The following NLRP9 variants were observed in gnomAD, a reference collection of about 807,000 sequenced individuals.
NLRP9 encodes NACHT, LRR and PYD domains-containing protein 9.
A neutral mutation model predicts 83.1 loss-of-function variants in NLRP9; 88 were observed. The observed-to-expected ratio is 1.06, with a 90% CI of 0.89 to 1.26. The LOEUF is 1.26. Among genes scored for constraint, NLRP9 ranks in the 50% most tolerant of loss-of-function variants. The pLI is 0.00. For missense variants in NLRP9, 1,308 were observed against 1,179.3 expected (o/e 1.11, Z -1.60); for synonymous variants, 521 against 447.6 (o/e 1.16, Z -2.07).
At chr19:55,726,921 T>C (rs1450006982) in intron 3 of NLRP9, among the ~76,000 whole-genome samples, 1 of 152,022 alleles carries the variant, frequency 6.6e-6, no homozygotes, top group Non-Finnish European at 1.5e-5. Flanking sequence ...GACCAAACTG[T>C]CTCTATCATT....
chr19:55,710,641 C>T (rs1987673239), intron 8 of NLRP9, among the ~76,000 whole-genome samples: 1 of 152,134 alleles, frequency 6.6e-6, no homozygotes, highest in South Asian at 2.1e-4. Context: ...TGCTTCCTTT[C>T]CTCCTGCTCC....
chr19:55,714,060 G>A (rs1987914208), intron 6 of NLRP9, among the ~76,000 whole-genome samples: 1 of 150,618 alleles, frequency 6.6e-6, no homozygotes, highest in African/African-American at 2.4e-5. Flanking sequence ...ATGCATGTGT[G>A]TGTATCTGAC....
chr19:55,733,918 A>ATTTTTTTTTTTTTTTTTTT (rs1423854158), intron 1 of NLRP9, among the ~76,000 whole-genome samples: 1 of 118,058 alleles, frequency 8.5e-6, no homozygotes, highest in African/African-American at 3.7e-5. Context: ...TTGTCAACCA[A>ATTTTTTTTTTTTTTTTTTT]ATTTTTTTTT....
intron 8 of NLRP9, among the ~76,000 whole-genome samples, chr19:55,711,102 AC>A (rs1330721556): frequency 6.5e-5 from 8 of 123,454 alleles, no homozygotes; most frequent in African/African-American, 2.7e-4. Context: ...ACAAAACAAA[AC>A]AAAACAAAAA....
rs142349179 is a variant in NLRP9, at chr19:55,722,113, C to G, written c.2159+1867G>C. ...AGGGACAAAATTCCCCCATTGAGAACTACTGAGCTAGAGAGAACCTGACTT... is the reference window on the plus strand; with the variant it reads ...AGGGACAAAATTCCCCCATTGAGAAGTACTGAGCTAGAGAGAACCTGACTT... On this transcript the variant is annotated intron_variant, in intron 4 of 8. Coordinates refer to ENST00000332836, the MANE Select transcript of NLRP9 (RefSeq NM_176820.4). 9.2e-4 allele frequency among the ~76,000 whole-genome samples: 140 copies of G among 152,140 alleles called. 1 individual carries two copies. The highest frequency in any genetic ancestry group is 3.3e-3 in the African/African-American group (138 of 41,460).
intron 3 of NLRP9, among the ~76,000 whole-genome samples, chr19:55,726,019 G>A (rs1237258484): frequency 6.6e-6 from 1 of 151,170 alleles, no homozygotes; most frequent in Non-Finnish European, 1.5e-5. Flanking sequence ...GAGCGAGACT[G>A]TCTCAGAAAA....
chr19:55,734,160 T>TG (rs1372203378), intron 1 of NLRP9, among the ~76,000 whole-genome samples: 1 of 151,676 alleles, frequency 6.6e-6, no homozygotes, highest in Non-Finnish European at 1.5e-5. Context: ...CCTGACCTCA[T>TG]GATCCACCCA....
In NLRP9 at chr19:55,732,769, T is replaced by C. The variant is rs757437813; in HGVS notation, c.1062A>G (p.Gly354=). ...CTCVKQRLER[G]EDLEINSQNT... is the part of the protein sequence containing the mutation. Reference sequence around the variant, plus strand: ...TTTGGGAGTTTATTTCAAGGTCTTCTCCCCTCTCTAGCCTCTGTTTCACAC... The same window carrying C: ...TTTGGGAGTTTATTTCAAGGTCTTCCCCCCTCTCTAGCCTCTGTTTCACAC... Residue 354 remains glycine, a synonymous_variant, in exon 2 of 9, where the codon GGA becomes GGG. Transcript: ENST00000332836. The C allele has an allele frequency of 1.9e-6, 3 of 1,614,094 alleles. No individual in the cohort carries two copies. Among genetic ancestry groups the C allele is most frequent in the Non-Finnish European group, 2.5e-6 (3 of 1,180,004 alleles).
At chr19:55,729,788 A>G (rs1405048085) in intron 3 of NLRP9, 43 bp downstream of exon 3, 8 of 1,543,098 alleles carry the variant, frequency 5.2e-6, no homozygotes, top group Non-Finnish European at 6.2e-6. Context: ...GAGAGAAGGA[A>G]ACTCTGCCAT....
chr19:55,713,705 A>T (rs1346267341), intron 6 of NLRP9, among the ~76,000 whole-genome samples: 2 of 24 alleles, frequency 0.083, 1 homozygote, highest in East Asian at 1. Context: ...CCCCCTCCCC[A>T]CCTCTTCCCC....
In NLRP9 at chr19:55,732,687, T is replaced by C; in HGVS notation, c.1144A>G (p.Ser382Gly). Residue 382 changes from serine to glycine, a missense_variant, in exon 2 of 9, where the codon AGT becomes GGT. Coordinates refer to ENST00000332836, the MANE Select transcript of NLRP9 (RefSeq NM_176820.4). ...LTTVFKAGSQSFPPKVNRARL... is the reference protein window; with the variant it reads ...LTTVFKAGSQGFPPKVNRARL... ...GCTCTGTTCACCTTAGGTGGAAAAC[T>C]CTGACTTCCTGCTTTGAATACAGTT... 1 of 1,614,202 alleles carries C rather than the reference T, an allele frequency of 6.2e-7. No homozygotes were observed. The highest frequency in any genetic ancestry group is 8.5e-7 in the Non-Finnish European group (1 of 1,180,050).
At chr19:55,723,140 TATA>T (rs370189702) in intron 4 of NLRP9, among the ~76,000 whole-genome samples, 5 of 151,516 alleles carry the variant, frequency 3.3e-5, no homozygotes, top group Non-Finnish European at 4.4e-5. Flanking sequence ...GAACTTAAAG[TATA>T]ATAATAATAA....
Position 55,731,377 on chromosome 19 carries a change from A to G in NLRP9, c.1832+622T>C, listed in dbSNP as rs535650249. Among the ~76,000 whole-genome samples the G allele has an allele frequency of 2.6e-5, 4 of 152,032 alleles. No individual in the cohort carries two copies. In the South Asian group the frequency reaches 8.3e-4, roughly 32 times the overall value. On this transcript the variant is annotated intron_variant, in intron 2 of 8. Coordinates refer to ENST00000332836, the MANE Select transcript of NLRP9 (RefSeq NM_176820.4). ...ATAAAAATGGTGAAAAAAAAAAAGA[A>G]GAAAAGGAAAGAAAGAGAGAAAAAA...
Position 55,733,380 on chromosome 19 carries a change from C to CCA in NLRP9, c.449_450dup (p.Glu151TrpfsTer13). Reference sequence around the variant, plus strand: ...GTTTTTCCAATTCCATCAGGACCTTCCAGGACCACAGTGTGTCGTCTAGCC... The same window carrying CCA: ...GTTTTTCCAATTCCATCAGGACCTTCCACAGGACCACAGTGTGTCGTCTAGCC... On this transcript the variant is annotated frameshift_variant, in exon 2 of 9. Coordinates refer to ENST00000332836, the MANE Select transcript of NLRP9 (RefSeq NM_176820.4). LOFTEE classifies it high-confidence loss of function. 1 of 1,614,184 alleles carries CCA rather than the reference C, an allele frequency of 6.2e-7. No individual in the cohort carries two copies. The highest frequency in any genetic ancestry group is 8.5e-7 in the Non-Finnish European group (1 of 1,180,034).
At chr19:55,714,184 TCTGA>T (rs372619965) in intron 6 of NLRP9, among the ~76,000 whole-genome samples, 236 of 152,118 alleles carry the variant, frequency 1.6e-3, no homozygotes, top group South Asian at 9.8e-3. Flanking sequence ...AGTCTCACGC[TCTGA>T]CTGTCATTTA....
intron 6 of NLRP9, among the ~76,000 whole-genome samples, chr19:55,713,259 G>A (rs1336372898): frequency 2.0e-5 from 3 of 151,524 alleles, no homozygotes; most frequent in Non-Finnish European, 4.4e-5. Flanking sequence ...CCCCAAGCTG[G>A]TGATTCCTTA....
intron 4 of NLRP9, among the ~76,000 whole-genome samples, chr19:55,723,210 G>T (rs1988285415): frequency 6.6e-6 from 1 of 152,068 alleles, no homozygotes; most frequent in African/African-American, 2.4e-5. Context: ...TTAGGACAGG[G>T]GCTGCTCTGA....
intron 5 of NLRP9, among the ~76,000 whole-genome samples, chr19:55,716,299 C>T (rs1267826063): frequency 7.1e-6 from 1 of 140,652 alleles, no homozygotes; most frequent in South Asian, 2.2e-4. Flanking sequence ...TGCTCTGTCT[C>T]CCAGGCTGGA....
intron 3 of NLRP9, among the ~76,000 whole-genome samples, chr19:55,725,112 C>T (rs1280972010): frequency 6.6e-6 from 1 of 152,120 alleles, no homozygotes; most frequent in African/African-American, 2.4e-5. Flanking sequence ...TCAATTCATG[C>T]TGGCTTTTAT....
Sources: gnomAD v4.1 joint callset for allele counts (sites outside exome capture counted in the v4.1 genomes callset) on GRCh38, gnomAD v4.1.1 for gene constraint, MANE v1.5 for transcripts, NCBI Gene and HGNC (gene_info 2026-07-23, HGNC 2026-07-21) for gene names.